SLIT3: variants seen among roughly 807,000 people sequenced by gnomAD.
SLIT3 encodes the protein slit guidance ligand 3, also known as slit homolog 3 protein.
SLIT3 carries 68 observed loss-of-function variants against 184.0 expected under a neutral mutation model. The ratio of observed to expected loss-of-function variants is 0.37; its 90% CI spans 0.30 to 0.45. SLIT3 has a LOEUF of 0.45. SLIT3 is among the 20% of genes least tolerant of loss of function. SLIT3 has a pLI of 1.00. For synonymous variants in SLIT3, 831 were observed against 828.6 expected, an observed-to-expected ratio of 1.00 and a Z score of -0.05; for missense variants, 1,707 against 2,026.0, an observed-to-expected ratio of 0.84 and a Z score of 3.02.
chr5:169,182,036 A>G (rs528786646), intron 4 of SLIT3, among the ~76,000 whole-genome samples: 23 of 152,302 alleles, frequency 1.5e-4, no homozygotes, highest in Middle Eastern at 3.4e-3. Flanking sequence ...CAAGAGGCCA[A>G]ACCATCAGTT....
intron 4 of SLIT3, among the ~76,000 whole-genome samples, chr5:168,933,483 A>T (rs1330659320): frequency 6.6e-6 from 1 of 152,122 alleles, no homozygotes; most frequent in Non-Finnish European, 1.5e-5. Flanking sequence ...CGGAGGTTGC[A>T]GTGAGCTAAG....
intron 4 of SLIT3, among the ~76,000 whole-genome samples, chr5:168,914,817 G>T (rs748838485): frequency 3.9e-5 from 6 of 152,116 alleles, no homozygotes; most frequent in Non-Finnish European, 7.3e-5. Context: ...GGTGGGGAGG[G>T]TCGTTCATAA....
intron 4 of SLIT3, among the ~76,000 whole-genome samples, chr5:168,899,956 G>C (rs1561995469): frequency 6.6e-6 from 1 of 152,106 alleles, no homozygotes; most frequent in East Asian, 1.9e-4. Context: ...TCCACACAGA[G>C]GCCCCGGGAA....
At chr5:168,912,701 T>G (rs1761289714) in intron 4 of SLIT3, among the ~76,000 whole-genome samples, 2 of 152,244 alleles carry the variant, frequency 1.3e-5, no homozygotes, top group Non-Finnish European at 2.9e-5. Flanking sequence ...TATGTCTCTA[T>G]GATGTATTTT....
rs1760933059 is a variant in SLIT3, at chr5:168,663,313, A to G, written c.*3141T>C. ...GGGGGATGGGGCAATGGAGGTGGGG[A>G]TGGGGAAATGGAGGTTGGGAAGGGT... On this transcript the variant is annotated 3_prime_UTR_variant, in exon 36 of 36. Transcript: ENST00000519560. 1 of 151,508 alleles carries G rather than the reference A, an allele frequency of 6.6e-6. No individual in the cohort carries two copies. Among genetic ancestry groups the G allele is most frequent in the South Asian group, 2.1e-4 (1 of 4,744 alleles). 9.4% of individuals were successfully genotyped at this position (151,508 alleles called of 1,614,324 possible).
intron 4 of SLIT3, among the ~76,000 whole-genome samples, chr5:168,891,437 G>A (rs899662139): frequency 3.9e-5 from 6 of 152,152 alleles, no homozygotes; most frequent in Non-Finnish European, 7.4e-5. Flanking sequence ...CTTTGTCCTT[G>A]GACTCCTTCA....
At chr5:168,677,546 T>G (rs576978527) in intron 32 of SLIT3, among the ~76,000 whole-genome samples, 185 of 152,328 alleles carry the variant, frequency 1.2e-3, no homozygotes, top group South Asian at 2.1e-3. Context: ...CCTCCCTGGT[T>G]CAAGCAATTT....
chr5:169,278,136 C>T (rs7723802), intron 1 of SLIT3, among the ~76,000 whole-genome samples: 38 of 152,256 alleles, frequency 2.5e-4, no homozygotes, highest in African/African-American at 8.9e-4. Context: ...CCCTGACTCC[C>T]CTGTTGACAG....
intron 4 of SLIT3, among the ~76,000 whole-genome samples, chr5:169,069,034 G>A (rs996074884): frequency 2.0e-5 from 3 of 152,170 alleles, no homozygotes; most frequent in Non-Finnish European, 4.4e-5. Flanking sequence ...GGTACAGCTA[G>A]GAAATAACAA....
intron 4 of SLIT3, chr5:169,012,532 G>T (rs2113460274): frequency 6.6e-6 from 1 of 152,230 alleles, no homozygotes. Flanking sequence ...TTTTATTAAG[G>T]GCCTCGTTAA....
At chr5:168,748,703 C>T (rs1326430401) in intron 19 of SLIT3, among the ~76,000 whole-genome samples, 2 of 152,202 alleles carry the variant, frequency 1.3e-5, no homozygotes, top group South Asian at 2.1e-4. Flanking sequence ...AGGAATAAGC[C>T]GAATTGATTG....
chr5:168,932,126 C>T (rs1762003461), intron 4 of SLIT3, among the ~76,000 whole-genome samples: 1 of 152,072 alleles, frequency 6.6e-6, no homozygotes, highest in African/African-American at 2.4e-5. Context: ...CTGCCCACCG[C>T]AGAGATTGTG....
chr5:169,050,028 C>T (rs1757761016), intron 4 of SLIT3, among the ~76,000 whole-genome samples: 1 of 152,064 alleles, frequency 6.6e-6, no homozygotes, highest in Non-Finnish European at 1.5e-5. Flanking sequence ...CATTTCTCCT[C>T]TAAGTAAATG....
intron 4 of SLIT3, among the ~76,000 whole-genome samples, chr5:169,154,255 T>A (rs1256381708): frequency 6.6e-6 from 1 of 152,222 alleles, no homozygotes; most frequent in African/African-American, 2.4e-5. Context: ...CCACCGTGCC[T>A]GGCCGATGCT....
intron 4 of SLIT3, among the ~76,000 whole-genome samples, chr5:168,951,205 G>A (rs989767060): frequency 4.6e-5 from 7 of 152,180 alleles, no homozygotes; most frequent in Non-Finnish European, 7.3e-5. Flanking sequence ...GGGCGACAGA[G>A]CAAGACTGTC....
rs768147176 is a variant in SLIT3, at chr5:168,925,012, C to T, written c.414-41676G>A. On this transcript the variant is annotated intron_variant, in intron 4 of 35. Coordinates refer to ENST00000519560, the MANE Select transcript of SLIT3 (RefSeq NM_003062.4). ...AGTTTCAGAGTCAACCAATATTTAT[C>T]GAGCACCTTCTAAGAGCCAGGAACT... Among the ~76,000 whole-genome samples the T allele has an allele frequency of 2.6e-5, 4 of 152,142 alleles. No homozygotes were observed. The East Asian group carries it at 7.7e-4, about 29-fold the overall frequency.
rs77503905 is a variant in SLIT3, at chr5:169,048,027, C to G, written c.413+145452G>C. On this transcript the variant is annotated intron_variant, in intron 4 of 35. Transcript: ENST00000519560. The stretch of plus-strand genomic sequence containing the variant: ...AAAAGAGAAAACCAAATGGAAGAAA[C>G]TATGTCAAACTCTGCTCTGTCACTG... Among the ~76,000 whole-genome samples, 483 of 152,274 alleles carry G rather than the reference C, an allele frequency of 3.2e-3. 10 individuals are homozygous for G. In the East Asian group the frequency reaches 0.057, roughly 18 times the overall value.
intron 4 of SLIT3, among the ~76,000 whole-genome samples, chr5:168,885,430 C>A (rs1003496475): frequency 6.6e-6 from 1 of 152,200 alleles, no homozygotes; most frequent in African/African-American, 2.4e-5. Context: ...AGAGGTCAGG[C>A]GGTGTCACCA....
chr5:169,283,130 T>C (rs1581137070), intron 1 of SLIT3, among the ~76,000 whole-genome samples: 1 of 152,238 alleles, frequency 6.6e-6, no homozygotes, highest in South Asian at 2.1e-4. Context: ...GATTCAAACC[T>C]GGTCTGCCTT....
Sources: gnomAD v4.1 joint callset for allele counts (sites outside exome capture counted in the v4.1 genomes callset) on GRCh38, gnomAD v4.1.1 for gene constraint, MANE v1.5 for transcripts, NCBI Gene and HGNC (gene_info 2026-07-23, HGNC 2026-07-21) for gene names.